The following DAZAP1 variants were observed in gnomAD, a reference collection of about 807,000 sequenced individuals.
The protein encoded by DAZAP1 is DAZ-associated protein 1.
In DAZAP1, 6 loss-of-function variants were observed where a neutral mutation model predicts 60.1. The observed-to-expected ratio is 0.10, with a 90% CI of 0.05 to 0.20. The LOEUF (loss-of-function observed/expected upper bound fraction) is 0.20. DAZAP1 is among the 10% of genes least tolerant of loss of function. The pLI, the probability that DAZAP1 is intolerant of heterozygous loss-of-function variation, is 1.00. For missense variants in DAZAP1, 366 were observed against 560.4 expected, an observed-to-expected ratio of 0.65 and a Z score of 3.50; for synonymous variants, 235 against 215.9, an observed-to-expected ratio of 1.09 and a Z score of -0.78.
At chr19:1,417,737 A>G (rs982762551) in intron 2 of DAZAP1, among the ~76,000 whole-genome samples, 197 bp downstream of exon 2, 16 of 152,212 alleles carry the variant, frequency 1.1e-4, no homozygotes, top group African/African-American at 3.9e-4. Context: ...ATCCCAAGTT[A>G]CAGGGAAGAC....
rs1055068290 is a variant in DAZAP1 at position 1,426,104 on chromosome 19, T to G, written c.546+144T>G. ...CTTTGCTGCGTGAGGTGGGCCTGGG[T>G]CTGTAGACGTGAGGAGGGTCCCATC... On this transcript the variant is annotated intron_variant, in intron 7 of 11. Coordinates refer to ENST00000233078, the MANE Select transcript of DAZAP1 (RefSeq NM_018959.4). This position sits in a 1 kb window ranked among gnomAD's most constrained non-coding sequence, Gnocchi z 5.4. 2 of 688,726 alleles carry G rather than the reference T, an allele frequency of 2.9e-6. No homozygotes were observed. Among genetic ancestry groups the G allele is most frequent in the African/African-American group, 3.5e-5 (2 of 56,504 alleles). The allele number at this position is 688,726 out of a possible 1,614,324, so 42.7% of individuals were successfully genotyped here.
Position 1,429,966 on chromosome 19 carries a change from G to T in DAZAP1, c.701-1G>T. ...ACCTCCTCTTCTGTTCTCTTATCTAGGAATGTGGGTGCCGGCAGGACAGGC... is the reference window on the plus strand; with the variant it reads ...ACCTCCTCTTCTGTTCTCTTATCTATGAATGTGGGTGCCGGCAGGACAGGC... On this transcript the variant is annotated splice_acceptor_variant, in intron 8 of 11. Coordinates refer to ENST00000233078, the MANE Select transcript of DAZAP1 (RefSeq NM_018959.4). LOFTEE classifies it high-confidence loss of function. The T allele has an allele frequency of 6.4e-7, 1 of 1,567,906 alleles. No individual in the cohort carries two copies. Among genetic ancestry groups the T allele is most frequent in the East Asian group, 2.3e-5 (1 of 42,822 alleles).
At position 1,422,352 on chromosome 19, in the gene DAZAP1, C is replaced by A. The variant is rs758592245; in HGVS notation, c.419C>A (p.Thr140Lys). The change falls in exon 6 of 12, where the codon ACG (threonine) becomes AAG (lysine). Residue 140 changes from threonine (T) to lysine (K), a missense_variant. Around this residue, in one of 3 missense-constraint regions of DAZAP1, gnomAD observed 28 missense variants for 96.3 expected, o/e 0.29. Transcript: ENST00000233078. This position sits in a 1 kb window ranked among gnomAD's most constrained non-coding sequence, Gnocchi z 4.5. ...GACGCCACCCTCTCCTTCCAGGTCA[C>A]GGAGGTAGTCATGATCTATGACGCC... The part of the protein sequence containing the change: ...REYFKKFGVV[T>K]EVVMIYDAEK... 1 of 1,614,056 alleles carries A rather than the reference C, an allele frequency of 6.2e-7. No homozygotes were observed. The highest frequency in any genetic ancestry group is 1.7e-4 in the Middle Eastern group (1 of 6,060).
chr19:1,414,472 C>T (rs1041748356), intron 1 of DAZAP1, among the ~76,000 whole-genome samples: 7 of 152,104 alleles, frequency 4.6e-5, no homozygotes, highest in African/African-American at 9.7e-5. Flanking sequence ...AGTGGCCGGG[C>T]GCAGCTACTC....
chr19:1,433,717 C>A lies in DAZAP1; in HGVS notation c.1049-1020C>A. 6.2e-7 allele frequency: 1 copy of A among 1,609,440 alleles called. No homozygotes were observed. The highest frequency in any genetic ancestry group is 1.3e-5 in the African/African-American group (1 of 74,958). On this transcript the variant is annotated intron_variant, in intron 11 of 11. Transcript: ENST00000233078. The surrounding 1 kb of genome is among the most constrained non-coding windows in gnomAD (Gnocchi z 6.1). ...TGGTGGCGGCTGCTTGGGTTGGTCA[C>A]CCTGGTCTCGTCTCTTGCCAGGCCT...
In DAZAP1 at chr19:1,432,579, CCAGCCACTCCCGGGG is replaced by C. The variant is rs1352078103; in HGVS notation, c.942_956del (p.Thr315_Ala319del). The C allele has an allele frequency of 3.1e-6, 5 of 1,613,662 alleles. No individual in the cohort carries two copies. In the African/African-American group the frequency reaches 6.7e-5, roughly 22 times the overall value. On this transcript the variant is annotated inframe_deletion, in exon 11 of 12. Coordinates refer to ENST00000233078, the MANE Select transcript of DAZAP1 (RefSeq NM_018959.4). This position sits in a 1 kb window ranked among gnomAD's most constrained non-coding sequence, Gnocchi z 4.9. ...TGCCCCTCCGGGGGTTCCTCCTCCA[CCAGCCACTCCCGGGG>C]CAGCACCTCTGGCTTTCCCACCGCC...
intron 1 of DAZAP1, 51 bp downstream of exon 1, chr19:1,407,853 G>T: frequency 9.5e-7 from 1 of 1,053,374 alleles, no homozygotes; most frequent in Non-Finnish European, 1.1e-6. Flanking sequence ...CCGGCCCGCC[G>T]CTCCCCGCCG....
At chr19:1,407,910 C>T (rs1372515110) in intron 1 of DAZAP1, 108 bp downstream of exon 1, 1 of 962,690 alleles carries the variant, frequency 1.0e-6, no homozygotes, top group Non-Finnish European at 1.3e-6. Flanking sequence ...CAAGGTCACG[C>T]CGGCCGGGGG....
At chr19:1,420,384 C>G (rs144437725) in intron 4 of DAZAP1, among the ~76,000 whole-genome samples, 4,445 of 149,058 alleles carry the variant, frequency 0.03, 257 homozygotes, top group African/African-American at 0.11. Context: ...ACTCATGAAA[C>G]CATCCCGACC....
chr19:1,421,385 T>C (rs1280934779), intron 5 of DAZAP1, 127 bp downstream of exon 5: 1 of 773,862 alleles, frequency 1.3e-6, no homozygotes, highest in Non-Finnish European at 2.1e-6. Context: ...GCTCGCTGTC[T>C]CGTATTTCCC....
chr19:1,429,648 C>T (rs1007692796), intron 8 of DAZAP1, among the ~76,000 whole-genome samples: 4 of 152,234 alleles, frequency 2.6e-5, no homozygotes, highest in Non-Finnish European at 5.9e-5. Flanking sequence ...TGTCCCTGCC[C>T]TCTCGAGGCT....
rs1049487545 is a variant in DAZAP1, at chr19:1,418,715, G to A, written c.287G>A (p.Arg96Gln). The change falls in exon 4 of 12, where the codon CGG (arginine) becomes CAG (glutamine). Residue 96 changes from arginine (R) to glutamine (Q), a missense_variant. Coordinates refer to ENST00000233078, the MANE Select transcript of DAZAP1 (RefSeq NM_018959.4). The surrounding 1 kb of genome is among the most constrained non-coding windows in gnomAD (Gnocchi z 5.7). ...TPRGMQPERT[R>Q]PKEGWQKGPR... ...CGGGGGATGCAGCCGGAGAGAACAC[G>A]GCCGAAGGAAGGATGGGTAAGGGGC... is the stretch of plus-strand genomic sequence containing the variant. 3.7e-6 allele frequency: 6 copies of A among 1,612,256 alleles called. No homozygotes were observed. Among genetic ancestry groups the A allele is most frequent in the Non-Finnish European group, 5.1e-6 (6 of 1,179,010 alleles).
intron 1 of DAZAP1, among the ~76,000 whole-genome samples, chr19:1,415,351 TTATGTGTGTGTGTGTG>T (rs2082945569): frequency 1.4e-5 from 1 of 69,942 alleles, no homozygotes; most frequent in South Asian, 4.4e-4. Flanking sequence ...TTTCAGGGTT[TTATGTGTGTGTGTGTG>T]TGTGTGTGTG....
rs766612382 is a variant in DAZAP1, at chr19:1,425,545, CCT to C, written c.464-332_464-331del. 7.9e-5 allele frequency among the ~76,000 whole-genome samples: 12 copies of C among 152,364 alleles called. 1 individual carries two copies. In the South Asian group the frequency reaches 8.3e-4, roughly 11 times the overall value. ...TAGCGATGGAGGCCCTCACCGTTCC[CCT>C]GTCTCCGCTGCTGTTTTATAAGATG... On this transcript the variant is annotated intron_variant, in intron 6 of 11. Coordinates refer to ENST00000233078, the MANE Select transcript of DAZAP1 (RefSeq NM_018959.4). This position sits in a 1 kb window ranked among gnomAD's most constrained non-coding sequence, Gnocchi z 5.4.
Position 1,423,911 on chromosome 19 carries a change from G to C in DAZAP1, c.463+1515G>C, listed in dbSNP as rs55695886. On this transcript the variant is annotated intron_variant, in intron 6 of 11. Transcript: ENST00000233078. The surrounding 1 kb of genome is among the most constrained non-coding windows in gnomAD (Gnocchi z 6.8). ...TGGTGTACAGAGCACTTCGGGGCCA[G>C]CACGTGGCCACATGTCCTTAGCTGT... 3.9e-3 allele frequency among the ~76,000 whole-genome samples: 592 copies of C among 152,368 alleles called. 2 individuals are homozygous for C. The highest frequency in any genetic ancestry group is 0.014 in the African/African-American group (566 of 41,582).
chr19:1,415,564 G>T (rs2082958156), intron 1 of DAZAP1, among the ~76,000 whole-genome samples: 1 of 151,954 alleles, frequency 6.6e-6, no homozygotes, highest in Non-Finnish European at 1.5e-5. Context: ...TGTGGGCGGG[G>T]CTGGCCCTGA....
In DAZAP1 at chr19:1,433,987, CA is replaced by C; in HGVS notation, c.1049-749del. On this transcript the variant is annotated intron_variant, in intron 11 of 11. Coordinates refer to ENST00000233078, the MANE Select transcript of DAZAP1 (RefSeq NM_018959.4). This position sits in a 1 kb window ranked among gnomAD's most constrained non-coding sequence, Gnocchi z 6.1. ...ATTGGCCACAAGCCTTCAGCGGGCCCAGGATCCCCCAGAGAGAGCCCACGCC... is the reference window on the plus strand; with the variant it reads ...ATTGGCCACAAGCCTTCAGCGGGCCCGGATCCCCCAGAGAGAGCCCACGCC... 3 of 651,014 alleles carry C rather than the reference CA, an allele frequency of 4.6e-6. No homozygotes were observed. The highest frequency in any genetic ancestry group is 5.6e-5 in the Admixed American group (2 of 35,780). The allele number at this position is 651,014 out of a possible 1,614,324, so 40.3% of individuals were successfully genotyped here. A position where few individuals can be genotyped will look rare whatever the true frequency, so the allele number is the denominator to read the frequency against.
chr19:1,434,100 T>C lies in DAZAP1; in HGVS notation c.1049-637T>C. The C allele has an allele frequency of 2.0e-6, 1 of 502,828 alleles. No individual in the cohort carries two copies. The highest frequency in any genetic ancestry group is 3.5e-5 in the East Asian group (1 of 28,492). The allele number at this position is 502,828 out of a possible 1,614,324, so 31.1% of individuals were successfully genotyped here. On this transcript the variant is annotated intron_variant, in intron 11 of 11. Transcript: ENST00000233078. The surrounding 1 kb of genome is among the most constrained non-coding windows in gnomAD (Gnocchi z 8.0). ...GTGTGCAGCGGGGTGGGGAGCGGCGTGAGCAGCTCTGTCCTTGTAAAGACA... is the reference window on the plus strand; with the variant it reads ...GTGTGCAGCGGGGTGGGGAGCGGCGCGAGCAGCTCTGTCCTTGTAAAGACA...
At position 1,435,006 on chromosome 19, in the gene DAZAP1, A is replaced by G. The variant is rs1336165239; in HGVS notation, c.*94A>G. 6.7e-5 allele frequency: 6 copies of G among 89,950 alleles called. No individual in the cohort carries two copies. Among genetic ancestry groups the G allele is most frequent in the South Asian group, 8.8e-4 (2 of 2,270 alleles). 5.6% of individuals were successfully genotyped at this position (89,950 alleles called of 1,614,324 possible). On this transcript the variant is annotated 3_prime_UTR_variant, in exon 12 of 12. Coordinates refer to ENST00000233078, the MANE Select transcript of DAZAP1 (RefSeq NM_018959.4). ...AAACTTGGCGGCAAAGTGGCGACTC[A>G]ACCTTGGGGGGGGGGGCGGGGGGAG...
Sources: allele counts gnomAD v4.1 joint callset (sites outside exome capture counted in the v4.1 genomes callset), GRCh38; gene constraint gnomAD v4.1.1; regional missense constraint gnomAD v4.1.1; non-coding constraint Gnocchi (gnomAD v3.1); transcripts MANE v1.5; gene names NCBI Gene and HGNC (gene_info 2026-07-23, HGNC 2026-07-21).